The following HECW2 variants were observed in gnomAD, a reference collection of about 807,000 sequenced individuals.
HECW2 encodes E3 ubiquitin-protein ligase HECW2.
HECW2 carries 61 observed loss-of-function variants against 175.2 expected under a neutral mutation model. The ratio of observed to expected loss-of-function variants is 0.35; its 90% CI spans 0.28 to 0.43. The LOEUF (loss-of-function observed/expected upper bound fraction) is 0.43. Among genes scored for constraint, HECW2 ranks in the 20% least tolerant of loss-of-function variants. The probability of loss-of-function intolerance (pLI) is 1.00; values close to 1 mark genes in which losing one functional copy is unlikely to be tolerated. For synonymous variants in HECW2, 671 were observed against 731.0 expected, an observed-to-expected ratio of 0.92 and a Z score of 1.32; for missense variants, 1,524 against 2,000.5, an observed-to-expected ratio of 0.76 and a Z score of 4.54.
chr2:196,232,000 AAAAAT>A (rs1394047730), intron 21 of HECW2, among the ~76,000 whole-genome samples: 6 of 152,176 alleles, frequency 3.9e-5, no homozygotes, highest in Non-Finnish European at 2.9e-5. Flanking sequence ...CAAATAAAAA[AAAAAT>A]CTAGCTTACA....
At chr2:196,576,472 C>G (rs984154064) in intron 1 of HECW2, among the ~76,000 whole-genome samples, 1 of 152,166 alleles carries the variant, frequency 6.6e-6, no homozygotes, top group Admixed American at 6.6e-5. Context: ...AAGACAAGTA[C>G]TGCATGATCT....
intron 1 of HECW2, among the ~76,000 whole-genome samples, chr2:196,485,153 G>C (rs903887392): frequency 6.6e-5 from 10 of 152,170 alleles, no homozygotes; most frequent in African/African-American, 2.4e-4. Flanking sequence ...AGCCATTGGA[G>C]AAAAGAAAAT....
chr2:196,521,274 G>A (rs1181227088), intron 1 of HECW2, among the ~76,000 whole-genome samples: 3 of 102,850 alleles, frequency 2.9e-5, no homozygotes, highest in Non-Finnish European at 5.4e-5. Flanking sequence ...ACTAGGAAAC[G>A]TGAGTAACAA....
intron 1 of HECW2, among the ~76,000 whole-genome samples, chr2:196,584,388 T>G (rs186406977): frequency 6.6e-6 from 1 of 152,280 alleles, no homozygotes; most frequent in East Asian, 1.9e-4. Context: ...GACCACCTGT[T>G]AAAAACACTG....
chr2:196,272,708 A>G (rs1465062874), intron 16 of HECW2, among the ~76,000 whole-genome samples: 1 of 152,194 alleles, frequency 6.6e-6, no homozygotes, highest in Admixed American at 6.5e-5. Context: ...ATGGAATACC[A>G]TTGTCAACTC....
intron 4 of HECW2, among the ~76,000 whole-genome samples, chr2:196,332,846 C>A (rs1692418574): frequency 6.6e-6 from 1 of 152,184 alleles, no homozygotes; most frequent in Non-Finnish European, 1.5e-5. Context: ...TGTGACATGG[C>A]AGACTTTGTA....
chr2:196,577,731 C>T (rs748031138), intron 1 of HECW2, among the ~76,000 whole-genome samples: 1 of 152,176 alleles, frequency 6.6e-6, no homozygotes, highest in Non-Finnish European at 1.5e-5. Context: ...TCAGCAATGA[C>T]TGAGATTTAC....
intron 1 of HECW2, among the ~76,000 whole-genome samples, chr2:196,576,693 A>G (rs73053019): frequency 0.08 from 12,242 of 152,242 alleles, 624 homozygotes; most frequent in South Asian, 0.15. Flanking sequence ...TGCTAAGATG[A>G]TAGATCTTAA....
Position 196,402,931 on chromosome 2 carries a change from C to T in HECW2, c.292+30201G>A, listed in dbSNP as rs1436998827. 5.3e-5 allele frequency among the ~76,000 whole-genome samples: 8 copies of T among 151,944 alleles called. No individual in the cohort carries two copies. The South Asian group carries it at 8.3e-4, about 16-fold the overall frequency. On this transcript the variant is annotated intron_variant, in intron 2 of 28. Coordinates refer to ENST00000644978, the MANE Select transcript of HECW2 (RefSeq NM_001348768.2). ...AAGCAATTCTTGTGCCTCAGCCTCC[C>T]GAGTAGCTGGGATTACAGGCGCGCA...
At chr2:196,401,726 A>G (rs958370538) in intron 2 of HECW2, among the ~76,000 whole-genome samples, 1 of 152,238 alleles carries the variant, frequency 6.6e-6, no homozygotes, top group East Asian at 1.9e-4. Context: ...ATGTTTTAAA[A>G]TGAACATTTA....
In HECW2 at chr2:196,322,971, T is replaced by C. The variant is rs558352821; in HGVS notation, c.742-351A>G. Among the ~76,000 whole-genome samples, 18 of 152,378 alleles carry C rather than the reference T, an allele frequency of 1.2e-4. 1 individual carries two copies. The South Asian group carries it at 3.7e-3, about 32-fold the overall frequency. ...TGTATCTCAATTCTTTGATATTTAA[T>C]ATCTTGTTATAGAATGGATTAGAAT... On this transcript the variant is annotated intron_variant, in intron 6 of 28. Coordinates refer to ENST00000644978, the MANE Select transcript of HECW2 (RefSeq NM_001348768.2).
chr2:196,480,135 T>TA (rs1440141891), intron 1 of HECW2, among the ~76,000 whole-genome samples: 4 of 151,402 alleles, frequency 2.6e-5, no homozygotes, highest in Non-Finnish European at 5.9e-5. Flanking sequence ...CACTTCCAAT[T>TA]AAAAAACAAA....
At chr2:196,522,549 T>C (rs1433154565) in intron 1 of HECW2, among the ~76,000 whole-genome samples, 1 of 152,122 alleles carries the variant, frequency 6.6e-6, no homozygotes, top group Non-Finnish European at 1.5e-5. Context: ...ATGAAGTCCT[T>C]GCCCATGCCT....
At chr2:196,379,684 C>CAAAAAAAAAAAAA (rs1228923177) in intron 2 of HECW2, among the ~76,000 whole-genome samples, 1 of 28,260 alleles carries the variant, frequency 3.5e-5, no homozygotes. Flanking sequence ...TACTCCGTCT[C>CAAAAAAAAAAAAA]AAAAAAAAAA....
chr2:196,469,120 C>CGTGTGTGTGTGT (rs33984882), intron 1 of HECW2, among the ~76,000 whole-genome samples: 16 of 144,828 alleles, frequency 1.1e-4, no homozygotes, highest in African/African-American at 3.3e-4. Context: ...TGTGTGTGTG[C>CGTGTGTGTGTGT]GTGTGTGTGT....
chr2:196,400,498 C>T (rs995675527), intron 2 of HECW2, among the ~76,000 whole-genome samples: 14 of 152,130 alleles, frequency 9.2e-5, no homozygotes, highest in Non-Finnish European at 2.9e-5. Context: ...TTCAGAAGCA[C>T]GGGATACTTG....
At chr2:196,563,514 C>T (rs1431218488) in intron 1 of HECW2, among the ~76,000 whole-genome samples, 3 of 150,574 alleles carry the variant, frequency 2.0e-5, no homozygotes, top group Non-Finnish European at 4.4e-5. Flanking sequence ...TGTAGTGAGC[C>T]GAGATCACAC....
intron 10 of HECW2, among the ~76,000 whole-genome samples, chr2:196,315,265 C>CA (rs550902800): frequency 1.3e-5 from 2 of 150,630 alleles, no homozygotes; most frequent in Non-Finnish European, 3.0e-5. Flanking sequence ...TTATATTTTA[C>CA]AAAAAAAAGT....
chr2:196,263,040 T>C (rs1689368390), intron 17 of HECW2: 1 of 152,004 alleles, frequency 6.6e-6, no homozygotes. Context: ...TTTCTTTTTT[T>C]CCTGTGGCAG....
Sources: allele counts gnomAD v4.1 joint callset (sites outside exome capture counted in the v4.1 genomes callset), GRCh38; gene constraint gnomAD v4.1.1; transcripts MANE v1.5; gene names NCBI Gene and HGNC (gene_info 2026-07-23, HGNC 2026-07-21).